The following SDHC variants were observed in gnomAD, a reference collection of about 807,000 sequenced individuals.
SDHC encodes succinate dehydrogenase cytochrome b560 subunit, mitochondrial.
In SDHC, 11 loss-of-function variants were observed where a neutral mutation model predicts 22.6. The observed-to-expected ratio is 0.49, with a 90% CI of 0.31 to 0.81. The LOEUF (loss-of-function observed/expected upper bound fraction) is 0.81, where lower values mean the gene tolerates loss of function less well. SDHC is among the 30% of genes least tolerant of loss of function. SDHC has a pLI of 0.05. For synonymous variants in SDHC, 80 were observed against 77.8 expected (o/e 1.03, Z -0.15); for missense variants, 160 against 212.0 (o/e 0.75, Z 1.52).
rs375689519 is a variant in SDHC, at chr1:161,356,887, G to A, written c.405+47G>A. 21 of 1,570,906 alleles carry A rather than the reference G, an allele frequency of 1.3e-5. No individual in the cohort carries two copies. The African/African-American group carries it at 2.3e-4, about 17-fold the overall frequency. ...ACATTTTCTCTGTGAAGGGAGTGGGGAGACTGGGAGGATTCTTTCCTTCAT... is the reference window on the plus strand; with the variant it reads ...ACATTTTCTCTGTGAAGGGAGTGGGAAGACTGGGAGGATTCTTTCCTTCAT... On this transcript the variant is annotated intron_variant, in intron 5 of 5. Transcript: ENST00000367975.
intron 3 of SDHC, among the ~76,000 whole-genome samples, chr1:161,335,837 A>G (rs1349855893): frequency 6.6e-6 from 1 of 152,170 alleles, no homozygotes; most frequent in East Asian, 1.9e-4. Flanking sequence ...ATATACATAC[A>G]TCTCTGTTTA....
intron 4 of SDHC, among the ~76,000 whole-genome samples, chr1:161,346,087 G>A (rs1285794221): frequency 6.6e-6 from 1 of 152,168 alleles, no homozygotes; most frequent in East Asian, 1.9e-4. Context: ...TTACAGGCGT[G>A]AGCCACCACG....
In SDHC at chr1:161,361,639, A is replaced by G. The variant is rs181984754; in HGVS notation, c.406-690A>G. Among the ~76,000 whole-genome samples, 24 of 152,298 alleles carry G rather than the reference A, an allele frequency of 1.6e-4. No homozygotes were observed. In the South Asian group the frequency reaches 2.9e-3, roughly 18 times the overall value. On this transcript the variant is annotated intron_variant, in intron 5 of 5. Transcript: ENST00000367975. ...CAGATCACGAGATCAGGAGATCAAG[A>G]CCATCCTGGCTAACTCGATGAAACC...
chr1:161,344,819 A>T (rs1432854670), intron 4 of SDHC, among the ~76,000 whole-genome samples: 2 of 152,232 alleles, frequency 1.3e-5, no homozygotes, highest in African/African-American at 4.8e-5. Context: ...GGAAACAAGG[A>T]TGAAAAACAT....
At chr1:161,361,369 AGTG>A (rs1348414828) in intron 5 of SDHC, among the ~76,000 whole-genome samples, 30 of 152,156 alleles carry the variant, frequency 2.0e-4, no homozygotes, top group African/African-American at 6.7e-4. Flanking sequence ...GGTATTTCTT[AGTG>A]GAGTCACAGT....
intron 3 of SDHC, among the ~76,000 whole-genome samples, chr1:161,338,209 C>T (rs1403061281): frequency 6.6e-6 from 1 of 151,870 alleles, no homozygotes; most frequent in Non-Finnish European, 1.5e-5. Flanking sequence ...TGTGGCTCTT[C>T]TTCCACCTTT....
chr1:161,360,134 C>T (rs918303802), intron 5 of SDHC, among the ~76,000 whole-genome samples: 1 of 151,284 alleles, frequency 6.6e-6, no homozygotes, highest in Non-Finnish European at 1.5e-5. Context: ...TGTGTTAAGG[C>T]GCCATGTATG....
intron 3 of SDHC, among the ~76,000 whole-genome samples, chr1:161,335,139 G>A (rs1005106782): frequency 1.9e-4 from 29 of 152,234 alleles, no homozygotes; most frequent in African/African-American, 7.0e-4. Context: ...GGGTTTGTTT[G>A]GTGTTTTATG....
intron 1 of SDHC, among the ~76,000 whole-genome samples, chr1:161,317,704 G>T (rs1300548405): frequency 6.6e-6 from 1 of 151,060 alleles, no homozygotes; most frequent in Non-Finnish European, 1.5e-5. Context: ...TAGGACTACA[G>T]GCGTGTGCCA....
chr1:161,347,845 A>G (rs1671954614), intron 4 of SDHC, among the ~76,000 whole-genome samples: 1 of 151,994 alleles, frequency 6.6e-6, no homozygotes, highest in Admixed American at 6.6e-5. Flanking sequence ...CAGCCTGGCA[A>G]CAGAGTGACA....
At chr1:161,324,495 A>G (rs1349775149) in intron 2 of SDHC, among the ~76,000 whole-genome samples, 2 of 152,234 alleles carry the variant, frequency 1.3e-5, no homozygotes, top group Non-Finnish European at 2.9e-5. Context: ...TTATACTTTC[A>G]GAAAAGTTAT....
chr1:161,323,126 G>A (rs1221859961), intron 1 of SDHC, among the ~76,000 whole-genome samples: 1 of 152,014 alleles, frequency 6.6e-6, no homozygotes, highest in Non-Finnish European at 1.5e-5. Context: ...AGCCTCCTGA[G>A]TAGCTGGGAT....
chr1:161,326,668 C>G (rs1422517288), intron 2 of SDHC: 1 of 147,220 alleles, frequency 6.8e-6, no homozygotes, highest in East Asian at 2.0e-4. Context: ...TTCTGTCGAC[C>G]AGGCTGGAGT....
In SDHC at chr1:161,314,395, C is replaced by T. The variant is rs1237444029; in HGVS notation, c.-11C>T. 6.2e-7 allele frequency: 1 copy of T among 1,614,108 alleles called. No homozygotes were observed. Among genetic ancestry groups the T allele is most frequent in the African/African-American group, 1.3e-5 (1 of 75,030 alleles). ...CGCCTGGCGTCACTTCCGTCCAGAC[C>T]GGAACCCAAGATGGCTGCGCTGTTG... On this transcript the variant is annotated 5_prime_UTR_variant, in exon 1 of 6. Coordinates refer to ENST00000367975, the MANE Select transcript of SDHC (RefSeq NM_003001.5).
chr1:161,324,842 T>A (rs1670991313), intron 2 of SDHC, among the ~76,000 whole-genome samples: 2 of 152,216 alleles, frequency 1.3e-5, no homozygotes, highest in African/African-American at 4.8e-5. Context: ...TTAACATTGA[T>A]GAACTCTTAT....
chr1:161,345,008 T>C (rs916755722), intron 4 of SDHC, among the ~76,000 whole-genome samples: 1 of 152,176 alleles, frequency 6.6e-6, no homozygotes, highest in East Asian at 1.9e-4. Flanking sequence ...TGAAAATAAA[T>C]GGAATCATGT....
intron 4 of SDHC, among the ~76,000 whole-genome samples, chr1:161,350,590 TA>T (rs1425524652): frequency 1.3e-5 from 2 of 152,140 alleles, no homozygotes; most frequent in Non-Finnish European, 2.9e-5. Flanking sequence ...AGGTATTTTT[TA>T]AAAAAAATCA....
At chr1:161,331,482 A>G (rs1671269211) in intron 3 of SDHC, among the ~76,000 whole-genome samples, 1 of 151,792 alleles carries the variant, frequency 6.6e-6, no homozygotes, top group African/African-American at 2.4e-5. Context: ...CTATAAAACC[A>G]TGTTGCCCAG....
At chr1:161,359,916 A>G (rs181389604) in intron 5 of SDHC, among the ~76,000 whole-genome samples, 358 of 148,508 alleles carry the variant, frequency 2.4e-3, no homozygotes, top group Non-Finnish European at 3.9e-3. Context: ...CTCACTCTCT[A>G]TAAAACATTG....
Sources: allele counts gnomAD v4.1 joint callset (sites outside exome capture counted in the v4.1 genomes callset), GRCh38; gene constraint gnomAD v4.1.1; transcripts MANE v1.5; gene names NCBI Gene and HGNC (gene_info 2026-07-23, HGNC 2026-07-21).